NFIB: variants seen among roughly 807,000 people sequenced by gnomAD.
NFIB encodes the protein nuclear factor I B, also known as nuclear factor 1 B-type.
In NFIB, 11 loss-of-function variants were observed where a neutral mutation model predicts 61.5. The ratio of observed to expected loss-of-function variants is 0.18; its 90% CI spans 0.11 to 0.30. The LOEUF (loss-of-function observed/expected upper bound fraction) is 0.30, where lower values mean the gene tolerates loss of function less well. NFIB is among the 10% of genes least tolerant of loss of function. The pLI, the probability that NFIB is intolerant of heterozygous loss-of-function variation, is 1.00. For synonymous variants in NFIB, 260 were observed against 216.5 expected (o/e 1.20, Z -1.76); for missense variants, 471 against 608.9 (o/e 0.77, Z 2.38).
rs1252589887 is a variant in NFIB at position 14,084,420 on chromosome 9, T to C, written c.*3889A>G. On this transcript the variant is annotated 3_prime_UTR_variant, in exon 11 of 11. Coordinates refer to ENST00000380953, the MANE Select transcript of NFIB (RefSeq NM_001190737.2). Reference sequence around the variant, plus strand: ...CTTCACAGATTCATTCACATATTTTTTAATGGAGCTGCCCACCCGAACATT... The same window carrying C: ...CTTCACAGATTCATTCACATATTTTCTAATGGAGCTGCCCACCCGAACATT... 1 of 225,036 alleles carries C rather than the reference T, an allele frequency of 4.4e-6. No individual in the cohort carries two copies. Among genetic ancestry groups the C allele is most frequent in the East Asian group, 6.4e-5 (1 of 15,518 alleles). The allele number at this position is 225,036 out of a possible 1,614,324, so 13.9% of individuals were successfully genotyped here. A position where few individuals can be genotyped will look rare whatever the true frequency, so the allele number is the denominator to read the frequency against.
intron 2 of NFIB, among the ~76,000 whole-genome samples, chr9:14,216,632 C>T (rs1422360395): frequency 1.4e-5 from 2 of 147,832 alleles, no homozygotes; most frequent in African/African-American, 2.5e-5. Flanking sequence ...AGAGAGTGAA[C>T]CTCAGAAGAG....
At chr9:14,265,138 G>A (rs540908474) in intron 2 of NFIB, among the ~76,000 whole-genome samples, 1 of 152,290 alleles carries the variant, frequency 6.6e-6, no homozygotes, top group South Asian at 2.1e-4. Flanking sequence ...CTTTGGATCA[G>A]GATTTGGAGA....
intron 2 of NFIB, among the ~76,000 whole-genome samples, chr9:14,263,866 C>G (rs1026962660): frequency 6.6e-6 from 1 of 152,206 alleles, no homozygotes; most frequent in Non-Finnish European, 1.5e-5. Flanking sequence ...AGTTACTTAT[C>G]CTCCTCGTAC....
chr9:14,152,578 A>G (rs2042982151), intron 4 of NFIB, among the ~76,000 whole-genome samples: 1 of 152,048 alleles, frequency 6.6e-6, no homozygotes, highest in Admixed American at 6.6e-5. Flanking sequence ...TACATAAACT[A>G]TTTTCAATTT....
At position 14,086,190 on chromosome 9, in the gene NFIB, G is replaced by A; in HGVS notation, c.*2119C>T. 1 of 223,088 alleles carries A rather than the reference G, an allele frequency of 4.5e-6. No individual in the cohort carries two copies. The highest frequency in any genetic ancestry group is 9.0e-6 in the Non-Finnish European group (1 of 111,378). The allele number at this position is 223,088 out of a possible 1,614,324, so 13.8% of individuals were successfully genotyped here. A position where few individuals can be genotyped will look rare whatever the true frequency, so the allele number is the denominator to read the frequency against. On this transcript the variant is annotated 3_prime_UTR_variant, in exon 11 of 11. Transcript: ENST00000380953. Reference sequence around the variant, plus strand: ...CGCTTTGCAGCCCAGGCCCATCTCAGGGTGCACTGCTTCACAGCTACACTG... The same window carrying A: ...CGCTTTGCAGCCCAGGCCCATCTCAAGGTGCACTGCTTCACAGCTACACTG...
chr9:14,419,885 A>G, the NFIB span, among the ~76,000 whole-genome samples: 6 of 152,242 alleles, frequency 3.9e-5, no homozygotes, highest in Non-Finnish European at 7.3e-5. Flanking sequence ...GCTTGTGAAT[A>G]GACCAAAAAG....
At chr9:14,140,058 C>T (rs763798611) in intron 6 of NFIB, among the ~76,000 whole-genome samples, 1 of 152,162 alleles carries the variant, frequency 6.6e-6, no homozygotes, top group Non-Finnish European at 1.5e-5. Context: ...CCACCAAAAG[C>T]ATTTGTAGCT....
intron 2 of NFIB, among the ~76,000 whole-genome samples, chr9:14,214,443 T>C (rs565199740): frequency 1.3e-5 from 2 of 152,246 alleles, no homozygotes; most frequent in Non-Finnish European, 2.9e-5. Flanking sequence ...ATTATGGAAC[T>C]GGATACATCT....
rs899062931 is a variant in NFIB at position 14,162,295 on chromosome 9, T to A, written c.617-6402A>T. Among the ~76,000 whole-genome samples, 2 of 152,124 alleles carry A rather than the reference T, an allele frequency of 1.3e-5. 1 individual carries two copies. The highest frequency in any genetic ancestry group is 4.8e-5 in the African/African-American group (2 of 41,472). On this transcript the variant is annotated intron_variant, in intron 3 of 10. Coordinates refer to ENST00000380953, the MANE Select transcript of NFIB (RefSeq NM_001190737.2). ...AAAAGTACTCACTTATTCCTAGTTT[T>A]CTCAGATTTTTAAAAAGTTTTCTGA...
At chr9:14,503,840 T>C in the NFIB span, among the ~76,000 whole-genome samples, 1 of 152,222 alleles carries the variant, frequency 6.6e-6, no homozygotes, top group South Asian at 2.1e-4. Context: ...GTCCCATCTA[T>C]TTATCTTTGT....
chr9:14,280,399 C>T (rs146614287), intron 2 of NFIB, among the ~76,000 whole-genome samples: 6 of 152,140 alleles, frequency 3.9e-5, no homozygotes, highest in Non-Finnish European at 8.8e-5. Context: ...ACATTCACCA[C>T]CCCCTTCAAG....
intron 1 of NFIB, among the ~76,000 whole-genome samples, chr9:14,321,477 A>G (rs1357717770): frequency 6.6e-6 from 1 of 152,242 alleles, no homozygotes; most frequent in Non-Finnish European, 1.5e-5. Flanking sequence ...TACTTCTTTC[A>G]CTTAAAAATG....
At chr9:14,392,463 C>T (rs1218250668) in intron 1 of NFIB, among the ~76,000 whole-genome samples, 6 of 152,318 alleles carry the variant, frequency 3.9e-5, no homozygotes, top group Middle Eastern at 6.8e-3. Flanking sequence ...CACAGTGGCT[C>T]AGGCCTATAA....
At chr9:14,480,459 T>G in the NFIB span, among the ~76,000 whole-genome samples, 1 of 152,114 alleles carries the variant, frequency 6.6e-6, no homozygotes, top group African/African-American at 2.4e-5. Flanking sequence ...TCTCAAAAGT[T>G]AAGTGAAGTG....
the NFIB span, among the ~76,000 whole-genome samples, chr9:14,516,458 T>C: frequency 1.3e-5 from 2 of 152,164 alleles, no homozygotes; most frequent in African/African-American, 4.8e-5. Context: ...GAAATTGTGT[T>C]TCTCTGTTAT....
chr9:14,121,812 A>T (rs2038977571), intron 7 of NFIB, among the ~76,000 whole-genome samples: 1 of 152,154 alleles, frequency 6.6e-6, no homozygotes, highest in Admixed American at 6.5e-5. Context: ...TGCAATGTGG[A>T]CAATGTTCAA....
intron 1 of NFIB, among the ~76,000 whole-genome samples, chr9:14,363,853 C>G (rs2061269810): frequency 6.6e-6 from 1 of 152,074 alleles, no homozygotes; most frequent in Non-Finnish European, 1.5e-5. Flanking sequence ...AGACATCTTT[C>G]CATGTCAGTT....
At chr9:14,462,341 G>A in the NFIB span, among the ~76,000 whole-genome samples, 15 of 149,802 alleles carry the variant, frequency 1.0e-4, no homozygotes, top group African/African-American at 3.7e-4. Flanking sequence ...GGAGTGCAGT[G>A]GCGCGATCTT....
intron 4 of NFIB, among the ~76,000 whole-genome samples, chr9:14,153,203 G>A (rs998505461): frequency 2.6e-5 from 4 of 152,078 alleles, no homozygotes; most frequent in Admixed American, 6.6e-5. Context: ...ATTTGTCTAC[G>A]GATTTATGCA....
Sources: allele counts gnomAD v4.1 joint callset (sites outside exome capture counted in the v4.1 genomes callset), GRCh38; gene constraint gnomAD v4.1.1; transcripts MANE v1.5; gene names NCBI Gene and HGNC (gene_info 2026-07-23, HGNC 2026-07-21).